Variants in PRELID2 observed in about 807,000 individuals in gnomAD.
PRELID2 encodes PRELI domain-containing protein 2.
Under a neutral mutation model 28.4 loss-of-function variants are expected in PRELID2, and 25 were observed. That is an observed-to-expected ratio of 0.88 (90% CI 0.64 to 1.23). PRELID2 has a LOEUF of 1.23. Ranked by LOEUF, PRELID2 falls within the 50% of genes most tolerant of loss-of-function variation. PRELID2 has a pLI of 0.00. For synonymous variants in PRELID2, 76 were observed against 71.6 expected, an observed-to-expected ratio of 1.06 and a Z score of -0.31; for missense variants, 201 against 214.4, an observed-to-expected ratio of 0.94 and a Z score of 0.39.
At position 145,817,421 on chromosome 5, in the gene PRELID2, T is replaced by TTATATATATA. The variant is rs6149278; in HGVS notation, c.368+463_368+472dup. On this transcript the variant is annotated intron_variant, in intron 4 of 6. Transcript: ENST00000683046. ...TATGCAATAAAGGAATAAGCTAGTT[T>TTATATATATA]TATATATATATATATATATATATAT... Among the ~76,000 whole-genome samples the TTATATATATA allele has an allele frequency of 8.6e-3, 890 of 103,534 alleles. 22 individuals carry two copies. The highest frequency in any genetic ancestry group is 0.028 in the African/African-American group (827 of 29,824). 67.9% of individuals were successfully genotyped at this position (103,534 alleles called of 152,430 possible).
At chr5:145,578,621 G>A (rs1027277240) in intron 1 of PRELID2, among the ~76,000 whole-genome samples, 1 of 152,190 alleles carries the variant, frequency 6.6e-6, no homozygotes, top group African/African-American at 2.4e-5. Context: ...GTTAAATACA[G>A]ATATAGTTTT....
chr5:145,791,212 A>G (rs56129176), intron 5 of PRELID2, among the ~76,000 whole-genome samples: 7,851 of 152,092 alleles, frequency 0.052, 444 homozygotes, highest in African/African-American at 0.15. Context: ...AACTCCCATC[A>G]CTACCAAGAG....
intron 1 of PRELID2, among the ~76,000 whole-genome samples, chr5:145,825,142 C>T (rs10051351): frequency 0.047 from 6,257 of 133,152 alleles, 429 homozygotes; most frequent in African/African-American, 0.16. Flanking sequence ...AGGAGAATTG[C>T]TTGAACCTGG....
chr5:145,442,450 C>G, the PRELID2 span, among the ~76,000 whole-genome samples: 1 of 152,156 alleles, frequency 6.6e-6, no homozygotes, highest in African/African-American at 2.4e-5. Context: ...TGCAATAGGG[C>G]TCTCTCTTTG....
chr5:145,806,664 T>A (rs1294383550), intron 4 of PRELID2, among the ~76,000 whole-genome samples: 1 of 152,228 alleles, frequency 6.6e-6, no homozygotes, highest in African/African-American at 2.4e-5. Flanking sequence ...CCAAATCTCA[T>A]CTCAAATTGT....
At chr5:145,337,934 A>T in the PRELID2 span, 8 of 151,782 alleles carry the variant, frequency 5.3e-5, no homozygotes, top group African/African-American at 1.9e-4. Flanking sequence ...TCAAAATATT[A>T]TATTACACAC....
At chr5:145,566,115 CG>C (rs1399549496) in intron 1 of PRELID2, among the ~76,000 whole-genome samples, 2 of 152,186 alleles carry the variant, frequency 1.3e-5, no homozygotes, top group African/African-American at 4.8e-5. Context: ...TGCTATACCA[CG>C]CAGGTTACTA....
the PRELID2 span, among the ~76,000 whole-genome samples, chr5:145,320,471 C>T: frequency 9.2e-5 from 14 of 152,088 alleles, no homozygotes; most frequent in Non-Finnish European, 2.1e-4. Flanking sequence ...GACGGGGTTT[C>T]ACCATTTTAG....
chr5:145,270,184 C>T, the PRELID2 span, among the ~76,000 whole-genome samples: 13 of 151,974 alleles, frequency 8.6e-5, no homozygotes, highest in South Asian at 8.3e-4. Flanking sequence ...AACTCTTCAG[C>T]GGCTTCTTTA....
At chr5:145,291,580 G>C in the PRELID2 span, among the ~76,000 whole-genome samples, 9 of 152,130 alleles carry the variant, frequency 5.9e-5, no homozygotes, top group South Asian at 1.9e-3. Flanking sequence ...TAAGCCACTT[G>C]GTTTGTGATG....
chr5:145,553,175 C>A (rs1180468363), intron 1 of PRELID2, among the ~76,000 whole-genome samples: 1 of 141,706 alleles, frequency 7.1e-6, no homozygotes, highest in Non-Finnish European at 1.5e-5. Flanking sequence ...ATACCAGTTG[C>A]TAGAGGACCC....
downstream of PRELID2, among the ~76,000 whole-genome samples, chr5:145,470,500 A>G (rs1471027018): frequency 2.6e-5 from 4 of 152,076 alleles, no homozygotes. Context: ...CAAAATGATG[A>G]TGAGATGGGT....
intron 1 of PRELID2, among the ~76,000 whole-genome samples, chr5:145,557,066 A>C (rs1752885623): frequency 6.6e-6 from 1 of 152,212 alleles, no homozygotes; most frequent in Admixed American, 6.5e-5. Context: ...ATTACCCATT[A>C]GGCTACCCAG....
chr5:145,781,625 A>ATATATATACACACTATATATATAC (rs796820627), intron 5 of PRELID2, among the ~76,000 whole-genome samples: 13 of 146,886 alleles, frequency 8.9e-5, no homozygotes, highest in Admixed American at 6.9e-4. Context: ...TATATATACT[A>ATATATATACACACTATATATATAC]TATATATACA....
At chr5:145,446,355 C>T in the PRELID2 span, among the ~76,000 whole-genome samples, 10 of 151,910 alleles carry the variant, frequency 6.6e-5, no homozygotes, top group East Asian at 1.6e-3. Flanking sequence ...AAAAAAGTGA[C>T]GGGTTGGGGA....
chr5:145,355,751 A>G, the PRELID2 span, among the ~76,000 whole-genome samples: 1 of 152,188 alleles, frequency 6.6e-6, no homozygotes, highest in South Asian at 2.1e-4. Flanking sequence ...ATTTACTAAT[A>G]GTGTTACTGA....
chr5:145,628,202 A>C (rs1753878522), intron 1 of PRELID2, among the ~76,000 whole-genome samples: 1 of 150,850 alleles, frequency 6.6e-6, no homozygotes, highest in East Asian at 1.9e-4. Context: ...TATATATATC[A>C]TTTCCTCTCT....
At chr5:145,369,065 A>G in the PRELID2 span, among the ~76,000 whole-genome samples, 1 of 151,728 alleles carries the variant, frequency 6.6e-6, no homozygotes, top group East Asian at 1.9e-4. Flanking sequence ...AACATACAGT[A>G]TTTGGGGTTT....
rs530101021 is a variant in PRELID2 at position 145,484,233 on chromosome 5, A to T, written n.71-10918T>A. ...TATCCTTAGTGCCTGGACTTTGAAC[A>T]TATGGAGACTATGAGGAAGGGGCAT... On this transcript the variant is annotated intron_variant and non_coding_transcript_variant, in intron 1 of 2. Coordinates refer to the PRELID2 transcript ENST00000510259. Among the ~76,000 whole-genome samples, 5 of 152,314 alleles carry T rather than the reference A, an allele frequency of 3.3e-5. No individual in the cohort carries two copies. The East Asian group carries it at 9.7e-4, about 29-fold the overall frequency.
Sources: gnomAD v4.1 joint callset for allele counts (sites outside exome capture counted in the v4.1 genomes callset) on GRCh38, gnomAD v4.1.1 for gene constraint, MANE v1.5 for transcripts, NCBI Gene and HGNC (gene_info 2026-07-23, HGNC 2026-07-21) for gene names.